The following TSC1 variants were observed in gnomAD, a reference collection of about 807,000 sequenced individuals.
The protein encoded by TSC1 is hamartin.
Under a neutral mutation model 124.3 loss-of-function variants are expected in TSC1, and 20 were observed. The ratio of observed to expected loss-of-function variants is 0.16; its 90% confidence interval spans 0.11 to 0.23. TSC1 has a LOEUF of 0.23. Among genes scored for constraint, TSC1 ranks in the 10% least tolerant of loss-of-function variants. TSC1 has a pLI of 1.00. For synonymous variants in TSC1, 493 were observed against 539.1 expected (o/e 0.91, Z 1.19); for missense variants, 1,124 against 1,448.5 (o/e 0.78, Z 3.64).
In TSC1 at chr9:132,900,640, T is replaced by A. The variant is rs73660291; in HGVS notation, c.2625+75A>T. The A allele has an allele frequency of 7.1e-4, 1,147 of 1,608,142 alleles. 5 individuals carry two copies. The African/African-American group carries it at 0.013, about 18-fold the overall frequency. ...AAATAAGTCATCAAGCCATTCTCTA[T>A]GCCATGCGGGAGACATACTGTCTGG... On this transcript the variant is annotated intron_variant, in intron 20 of 22. Transcript: ENST00000298552.
rs372583166 is a variant in TSC1 at position 132,905,662 on chromosome 9, C to T, written c.1916G>A (p.Gly639Asp). The T allele has an allele frequency of 6.2e-7, 1 of 1,614,236 alleles. No individual in the cohort carries two copies. The highest frequency in any genetic ancestry group is 8.5e-7 in the Non-Finnish European group (1 of 1,180,046). ...KKAKGNTEED[G>D]VPSTSPMEVL... ...TTCCATTGGGGAGGTAGAGGGCACA[C>T]CATCTTCCTCTGTGTTTCCTTTTGC... The change falls in exon 15 of 23, where the codon GGT becomes GAT. Residue 639 changes from glycine (G) to aspartate (D), a missense_variant. By Grantham distance (94) the Gly-to-Asp change is moderately conservative. Around this residue, in one of 5 missense-constraint regions of TSC1, gnomAD observed 321 missense variants for 397.4 expected, o/e 0.81. Coordinates refer to ENST00000298552, the MANE Select transcript of TSC1 (RefSeq NM_000368.5).
chr9:132,897,613 GAAAAA>G lies in TSC1; in HGVS notation c.2626-8_2626-4del, dbSNP rs5901000. The G allele has an allele frequency of 6.6e-5, 90 of 1,356,448 alleles. No homozygotes were observed. Among genetic ancestry groups the G allele is most frequent in the African/African-American group, 9.6e-5 (5 of 51,966 alleles). 84.0% of individuals were successfully genotyped at this position (1,356,448 alleles called of 1,614,324 possible). A position where few individuals can be genotyped will look rare whatever the true frequency, so the allele number is the denominator to read the frequency against. On this transcript the variant is annotated splice_region_variant and splice_polypyrimidine_tract_variant and intron_variant, in intron 20 of 22. Transcript: ENST00000298552. ...GCGGCTTTCATCATTTCTACTTCCTGAAAAAAAAAAAAAAAAAAGACTGGAATTAG... is the reference window on the plus strand; with the variant it reads ...GCGGCTTTCATCATTTCTACTTCCTGAAAAAAAAAAAAAGACTGGAATTAG...
At chr9:132,934,496 A>C (rs576508351) in intron 2 of TSC1, 3 of 152,392 alleles carry the variant, frequency 2.0e-5, no homozygotes, top group Admixed American at 2.0e-4. Context: ...CAGGATGTAC[A>C]TCAGAATCAC....
chr9:132,905,975 GCTCAGGGTTCACGCTGGCGCC>G lies in TSC1; in HGVS notation c.1582_1602del (p.Gly528_Glu534del), dbSNP rs766376606. On this transcript the variant is annotated inframe_deletion, in exon 15 of 23. Transcript: ENST00000298552. The stretch of plus-strand genomic sequence containing the variant: ...AGCTTGTCCAGGGAGGAGTGTAAAG[GCTCAGGGTTCACGCTGGCGCC>G]CTGAGAACTGGAGGCTGCCGAGTGG... 6 of 1,614,138 alleles carry G rather than the reference GCTCAGGGTTCACGCTGGCGCC, an allele frequency of 3.7e-6. No homozygotes were observed. Among genetic ancestry groups the G allele is most frequent in the Admixed American group, 3.3e-5 (2 of 60,026 alleles).
chr9:132,918,574 G>C (rs1373367144), intron 8 of TSC1, among the ~76,000 whole-genome samples: 1 of 152,194 alleles, frequency 6.6e-6, no homozygotes, highest in African/African-American at 2.4e-5. Flanking sequence ...GGGCATGAGT[G>C]CCATTCCAAA....
chr9:132,901,197 C>T (rs1845356081), intron 19 of TSC1, among the ~76,000 whole-genome samples: 1 of 152,244 alleles, frequency 6.6e-6, no homozygotes, highest in Admixed American at 6.5e-5. Flanking sequence ...GTATGAAGTG[C>T]AGTGATTCCC....
chr9:132,943,971 C>T (rs989488642), intron 1 of TSC1: 1 of 152,278 alleles, frequency 6.6e-6, no homozygotes, highest in African/African-American at 2.4e-5. Flanking sequence ...AGGTAACTGT[C>T]TTTCACCACC....
chr9:132,926,794 C>T (rs1334528425), intron 4 of TSC1: 9 of 229,450 alleles, frequency 3.9e-5, no homozygotes, highest in Non-Finnish European at 5.2e-5. Flanking sequence ...CCTGCCTCAG[C>T]TTCCTGAGTA....
chr9:132,923,253 G>A lies in TSC1; in HGVS notation c.508+95C>T. 1 of 1,519,706 alleles carries A rather than the reference G, an allele frequency of 6.6e-7. No individual in the cohort carries two copies. Among genetic ancestry groups the A allele is most frequent in the South Asian group, 1.3e-5 (1 of 76,384 alleles). The allele number at this position is 1,519,706 out of a possible 1,614,324, so 94.1% of individuals were successfully genotyped here. On this transcript the variant is annotated intron_variant, in intron 6 of 22. Transcript: ENST00000298552. The surrounding 1 kb of genome is among the most constrained non-coding windows in gnomAD (Gnocchi z 4.2). ...AAAACCACTCATTTCAGCTATAAAA[G>A]TCTACATGTCCATTCCTTACAGCAT...
chr9:132,936,659 G>A (rs1480336557), intron 1 of TSC1, among the ~76,000 whole-genome samples: 2 of 152,044 alleles, frequency 1.3e-5, no homozygotes, highest in Non-Finnish European at 2.9e-5. Context: ...GGTACAATCT[G>A]ATCACTAGAT....
At chr9:132,929,439 C>G (rs1320092443) in intron 2 of TSC1, among the ~76,000 whole-genome samples, 2 of 152,062 alleles carry the variant, frequency 1.3e-5, no homozygotes, top group Non-Finnish European at 2.9e-5. Flanking sequence ...CTAGCATAAA[C>G]TGGGGATCAT....
chr9:132,924,061 A>AT (rs1564500422), intron 5 of TSC1, among the ~76,000 whole-genome samples: 4 of 151,094 alleles, frequency 2.6e-5, no homozygotes, highest in Admixed American at 1.3e-4. Context: ...AGTAAATTAA[A>AT]ATATATATAT....
In TSC1 at chr9:132,891,920, A is replaced by C. The variant is rs1844788074; in HGVS notation, c.*4315T>G. ...GGGTTCTCAGACTCTCAGGGTTTCCACTGAAAGGTCCATTCCAATGGTTAA... is the reference window on the plus strand; with the variant it reads ...GGGTTCTCAGACTCTCAGGGTTTCCCCTGAAAGGTCCATTCCAATGGTTAA... On this transcript the variant is annotated 3_prime_UTR_variant, in exon 23 of 23. Coordinates refer to ENST00000298552, the MANE Select transcript of TSC1 (RefSeq NM_000368.5). The C allele has an allele frequency of 8.6e-6, 2 of 233,492 alleles. No individual in the cohort carries two copies. The highest frequency in any genetic ancestry group is 1.7e-5 in the Non-Finnish European group (2 of 117,994). The allele number at this position is 233,492 out of a possible 1,614,324, so 14.5% of individuals were successfully genotyped here. A position where few individuals can be genotyped will look rare whatever the true frequency, so the allele number is the denominator to read the frequency against.
chr9:132,922,607 C>T (rs75004426), intron 6 of TSC1, among the ~76,000 whole-genome samples: 5,547 of 152,246 alleles, frequency 0.036, 379 homozygotes, highest in African/African-American at 0.13. Flanking sequence ...TGGAAACCCA[C>T]GGCCACAGTA....
rs1554815319 is a variant in TSC1, at chr9:132,903,762, G to A, written c.2097C>T (p.His699=). ...RTLRDQLLLL[H]NQLLYERFKR... ...TAAAACGCTCATAGAGTAACTGGTT[G>A]TGCAGTAAAAGCAACTGGTCTCGGA... Residue 699 remains histidine (H), a synonymous_variant, in exon 17 of 23, where the codon CAC becomes CAT. Coordinates refer to ENST00000298552, the MANE Select transcript of TSC1 (RefSeq NM_000368.5). This position sits in a 1 kb window ranked among gnomAD's most constrained non-coding sequence, Gnocchi z 5.9. 6.2e-7 allele frequency: 1 copy of A among 1,613,910 alleles called. No homozygotes were observed. The highest frequency in any genetic ancestry group is 8.5e-7 in the Non-Finnish European group (1 of 1,180,038).
intron 20 of TSC1, chr9:132,899,774 C>T (rs950701628): frequency 2.0e-5 from 3 of 152,236 alleles, no homozygotes; most frequent in Non-Finnish European, 1.5e-5. Flanking sequence ...AGCACAAGGA[C>T]TCCTTGGAGG....
chr9:132,943,285 C>G (rs1554823108), intron 1 of TSC1, among the ~76,000 whole-genome samples: 1 of 149,376 alleles, frequency 6.7e-6, no homozygotes, highest in Non-Finnish European at 1.5e-5. Context: ...CTTCAGTAAA[C>G]TCATCAGTTT....
chr9:132,912,868 G>C, intron 8 of TSC1: 1 of 196,918 alleles, frequency 5.1e-6, no homozygotes, highest in Non-Finnish European at 1.1e-5. Flanking sequence ...AAGGCCTCAG[G>C]TGTCAAATCC....
At chr9:132,926,831 C>T (rs370144525) in intron 4 of TSC1, 14 of 311,278 alleles carry the variant, frequency 4.5e-5, no homozygotes, top group Admixed American at 1.4e-4. Context: ...TCCACCACCA[C>T]GCCCAGCTAA....
Sources: gnomAD v4.1 joint callset for allele counts (sites outside exome capture counted in the v4.1 genomes callset) on GRCh38, gnomAD v4.1.1 for gene constraint, gnomAD v4.1.1 regional missense constraint, Gnocchi (gnomAD v3.1) non-coding constraint, MANE v1.5 for transcripts, NCBI Gene and HGNC (gene_info 2026-07-23, HGNC 2026-07-21) for gene names.